APCDD1L: variants seen among roughly 807,000 people sequenced by gnomAD.
APCDD1L encodes APC down-regulated 1 like, also known as protein APCDD1-like.
A neutral mutation model predicts 24.2 loss-of-function variants in APCDD1L; 21 were observed. The observed-to-expected ratio is 0.87, with a 90% confidence interval of 0.61 to 1.25. The LOEUF (loss-of-function observed/expected upper bound fraction) is 1.25. Among genes scored for constraint, APCDD1L ranks in the 50% most tolerant of loss-of-function variants. APCDD1L has a pLI of 0.00. For synonymous variants in APCDD1L, 321 were observed against 323.6 expected, an observed-to-expected ratio of 0.99 and a Z score of 0.09; for missense variants, 704 against 711.7, an observed-to-expected ratio of 0.99 and a Z score of 0.12.
chr20:58,472,727 G>A (rs774538763), intron 1 of APCDD1L, among the ~76,000 whole-genome samples: 3 of 152,222 alleles, frequency 2.0e-5, no homozygotes, highest in East Asian at 3.8e-4. Flanking sequence ...ATCAGCACTT[G>A]GGGCCACTCT....
chr20:58,497,429 C>T lies in APCDD1L; in HGVS notation c.49+17230G>A, dbSNP rs1372283294. Reference sequence around the variant, plus strand: ...CTAAAACGAGAGGAATTTACATTCTCATCCTGCTGGAGGCCATGAGTCTGG... The same window carrying T: ...CTAAAACGAGAGGAATTTACATTCTTATCCTGCTGGAGGCCATGAGTCTGG... On this transcript the variant is annotated intron_variant, in intron 1 of 3. Transcript: ENST00000371149. This position sits in a 1 kb window ranked among gnomAD's most constrained non-coding sequence, Gnocchi z 4.3. 6.6e-6 allele frequency among the ~76,000 whole-genome samples: 1 copy of T among 152,092 alleles called. No individual in the cohort carries two copies. The highest frequency in any genetic ancestry group is 2.4e-5 in the African/African-American group (1 of 41,400).
In APCDD1L at chr20:58,460,622, G is replaced by C; in HGVS notation, c.*168C>G. 3.4e-6 allele frequency: 3 copies of C among 876,780 alleles called. No homozygotes were observed. Among genetic ancestry groups the C allele is most frequent in the Non-Finnish European group, 4.8e-6 (3 of 620,722 alleles). 54.3% of individuals were successfully genotyped at this position (876,780 alleles called of 1,614,324 possible). Reference sequence around the variant, plus strand: ...GTGGTATAGGCTTTGCAGGGGTTAAGCTCATGTCCTGAGCCACATGGGACA... The same window carrying C: ...GTGGTATAGGCTTTGCAGGGGTTAACCTCATGTCCTGAGCCACATGGGACA... On this transcript the variant is annotated 3_prime_UTR_variant, in exon 4 of 4. Transcript: ENST00000371149. This position sits in a 1 kb window ranked among gnomAD's most constrained non-coding sequence, Gnocchi z 4.2.
chr20:58,485,053 T>C (rs1035188709), intron 1 of APCDD1L, among the ~76,000 whole-genome samples: 1 of 152,108 alleles, frequency 6.6e-6, no homozygotes, highest in Admixed American at 6.5e-5. Context: ...CAGACTTATC[T>C]CTTATGGAAA....
At chr20:58,484,667 G>A (rs961501000) in intron 1 of APCDD1L, among the ~76,000 whole-genome samples, 11 of 152,120 alleles carry the variant, frequency 7.2e-5, no homozygotes, top group Non-Finnish European at 1.6e-4. Context: ...AGTCTGCCGC[G>A]GAGGAACTAG....
At chr20:58,478,884 A>G (rs1989968552) in intron 1 of APCDD1L, among the ~76,000 whole-genome samples, 1 of 152,012 alleles carries the variant, frequency 6.6e-6, no homozygotes, top group Non-Finnish European at 1.5e-5. Flanking sequence ...AAGCAGGTAG[A>G]GAGGAAAGAG....
At position 58,497,833 on chromosome 20, in the gene APCDD1L, T is replaced by A. The variant is rs765393542; in HGVS notation, c.49+16826A>T. ...TGGAGAAGGGACCTTGTGCGGCCTC[T>A]ATTAATAGATTCTCATATTAAAAGC... On this transcript the variant is annotated intron_variant, in intron 1 of 3. Transcript: ENST00000371149. This position sits in a 1 kb window ranked among gnomAD's most constrained non-coding sequence, Gnocchi z 4.3. Among the ~76,000 whole-genome samples the A allele has an allele frequency of 3.3e-5, 5 of 152,208 alleles. No individual in the cohort carries two copies. The highest frequency in any genetic ancestry group is 7.3e-5 in the Non-Finnish European group (5 of 68,028).
Position 58,461,691 on chromosome 20 carries a change from A to G in APCDD1L, c.742-137T>C. The G allele has an allele frequency of 1.1e-6, 1 of 889,794 alleles. No individual in the cohort carries two copies. Among genetic ancestry groups the G allele is most frequent in the Admixed American group, 3.8e-5 (1 of 26,160 alleles). 55.1% of individuals were successfully genotyped at this position (889,794 alleles called of 1,614,324 possible). A position where few individuals can be genotyped will look rare whatever the true frequency, so the allele number is the denominator to read the frequency against. On this transcript the variant is annotated intron_variant, in intron 3 of 3. Coordinates refer to ENST00000371149, the MANE Select transcript of APCDD1L (RefSeq NM_153360.3). This position sits in a 1 kb window ranked among gnomAD's most constrained non-coding sequence, Gnocchi z 6.0. ...CTGTCCCTCCCTCCTCTCTCTCCTC[A>G]CTCCCTGCCTTCAGTCAGGACGACC...
In APCDD1L at chr20:58,467,136, C is replaced by G. The variant is rs1243133597; in HGVS notation, c.711G>C (p.Thr237=). 6.2e-7 allele frequency: 1 copy of G among 1,607,766 alleles called. No individual in the cohort carries two copies. Among genetic ancestry groups the G allele is most frequent in the Non-Finnish European group, 8.5e-7 (1 of 1,179,420 alleles). ...DPAERRHYRP[T]GYQRPLQSAL... is the part of the protein sequence containing the mutation. ...CGCTCTGCAGCGGGCGCTGGTAGCC[C>G]GTGGGCCGGTAGTGCCGCCTCTCCG... is the stretch of plus-strand genomic sequence containing the variant. Residue 237 remains threonine, a synonymous_variant, in exon 3 of 4, where the codon ACG becomes ACC. Coordinates refer to ENST00000371149, the MANE Select transcript of APCDD1L (RefSeq NM_153360.3). The surrounding 1 kb of genome is among the most constrained non-coding windows in gnomAD (Gnocchi z 5.9).
intron 3 of APCDD1L, among the ~76,000 whole-genome samples, chr20:58,462,843 C>CAAAA (rs59846654): frequency 5.3e-5 from 6 of 114,236 alleles, no homozygotes; most frequent in Admixed American, 9.2e-5. Context: ...GACACCATCT[C>CAAAA]AAAAAAAAAA....
At chr20:58,469,751 G>A (rs1260409297) in intron 2 of APCDD1L, among the ~76,000 whole-genome samples, 2 of 152,230 alleles carry the variant, frequency 1.3e-5, no homozygotes, top group Admixed American at 6.5e-5. Flanking sequence ...GCTAGCAGAT[G>A]TTTGGCAGTC....
intron 1 of APCDD1L, among the ~76,000 whole-genome samples, chr20:58,510,149 G>A (rs1990600070): frequency 6.6e-6 from 1 of 152,134 alleles, no homozygotes; most frequent in East Asian, 1.9e-4. Context: ...AAACTGCTTG[G>A]TAAAGTGCTC....
chr20:58,512,497 C>T (rs999990297), intron 1 of APCDD1L, among the ~76,000 whole-genome samples: 1 of 152,060 alleles, frequency 6.6e-6, no homozygotes, highest in African/African-American at 2.4e-5. Flanking sequence ...ACAGGACGGG[C>T]CCCTCATCCC....
intron 1 of APCDD1L, among the ~76,000 whole-genome samples, chr20:58,479,935 A>G (rs1989992965): frequency 6.6e-6 from 1 of 152,212 alleles, no homozygotes; most frequent in Non-Finnish European, 1.5e-5. Flanking sequence ...CAGGGTTTGC[A>G]CCAGAACACC....
intron 1 of APCDD1L, among the ~76,000 whole-genome samples, chr20:58,492,697 C>T (rs762600090): frequency 1.8e-4 from 27 of 152,278 alleles, no homozygotes; most frequent in Non-Finnish European, 1.9e-4. Flanking sequence ...ATACATCTTA[C>T]ATCACCATCT....
intron 1 of APCDD1L, among the ~76,000 whole-genome samples, chr20:58,479,321 T>A (rs566350017): frequency 7.9e-5 from 12 of 152,232 alleles, no homozygotes; most frequent in Non-Finnish European, 1.3e-4. Flanking sequence ...TATTTTATAC[T>A]TACAGCACAA....
In APCDD1L at chr20:58,465,168, C is replaced by T. The variant is rs562597364; in HGVS notation, c.741+1938G>A. Among the ~76,000 whole-genome samples the T allele has an allele frequency of 1.6e-4, 24 of 152,314 alleles. 1 individual carries two copies. In the East Asian group the frequency reaches 4.2e-3, roughly 27 times the overall value. On this transcript the variant is annotated intron_variant, in intron 3 of 3. Transcript: ENST00000371149. The stretch of plus-strand genomic sequence containing the variant: ...TGGCCGGTAATCAACTCACCGCTAG[C>T]GCCTTCTCTGAACTAAGTAGGATTA...
rs1176895612 is a variant in APCDD1L at position 58,460,725 on chromosome 20, G to T, written c.*65C>A. The T allele has an allele frequency of 7.5e-6, 11 of 1,475,550 alleles. No individual in the cohort carries two copies. Among genetic ancestry groups the T allele is most frequent in the South Asian group, 1.4e-5 (1 of 69,792 alleles). 91.4% of individuals were successfully genotyped at this position (1,475,550 alleles called of 1,614,324 possible). A position where few individuals can be genotyped will look rare whatever the true frequency, so the allele number is the denominator to read the frequency against. On this transcript the variant is annotated 3_prime_UTR_variant, in exon 4 of 4. Coordinates refer to ENST00000371149, the MANE Select transcript of APCDD1L (RefSeq NM_153360.3). The surrounding 1 kb of genome is among the most constrained non-coding windows in gnomAD (Gnocchi z 4.2). ...GGAGAATGGTTCCTTCCCTACAGCT[G>T]CCAGGAGGGAGTCTGAAGGGTTGAA...
intron 1 of APCDD1L, among the ~76,000 whole-genome samples, chr20:58,495,003 G>C (rs528375889): frequency 6.6e-6 from 1 of 152,116 alleles, no homozygotes; most frequent in African/African-American, 2.4e-5. Context: ...GTGTCCCCTG[G>C]AGCCTGCTGC....
At chr20:58,478,089 T>G (rs978216411) in intron 1 of APCDD1L, among the ~76,000 whole-genome samples, 9 of 152,250 alleles carry the variant, frequency 5.9e-5, no homozygotes, top group African/African-American at 2.2e-4. Context: ...AAATTGTCCC[T>G]GATTTGGCCA....
Sources: gnomAD v4.1 joint callset for allele counts (sites outside exome capture counted in the v4.1 genomes callset) on GRCh38, gnomAD v4.1.1 for gene constraint, Gnocchi (gnomAD v3.1) non-coding constraint, MANE v1.5 for transcripts, NCBI Gene and HGNC (gene_info 2026-07-23, HGNC 2026-07-21) for gene names.